The following SYN2 variants were observed in gnomAD, a reference collection of about 807,000 sequenced individuals.
The protein encoded by SYN2 is synapsin II.
A neutral mutation model predicts 50.9 loss-of-function variants in SYN2; 19 were observed. The observed-to-expected ratio is 0.37, with a 90% CI of 0.26 to 0.55. The LOEUF (loss-of-function observed/expected upper bound fraction) is 0.55. Ranked by LOEUF, SYN2 falls within the 20% of genes least tolerant of loss-of-function variation. SYN2 has a pLI of 0.81. For missense variants in SYN2, 587 were observed against 576.4 expected (o/e 1.02, Z -0.19); for synonymous variants, 255 against 224.9 (o/e 1.13, Z -1.20).
At chr3:12,131,514 C>G (rs1211462318) in intron 1 of SYN2, among the ~76,000 whole-genome samples, 1 of 152,162 alleles carries the variant, frequency 6.6e-6, no homozygotes, top group Admixed American at 6.5e-5. Context: ...TCAAATCAGC[C>G]TGATTTAATT....
At chr3:12,088,339 G>A (rs756465452) in intron 1 of SYN2, among the ~76,000 whole-genome samples, 8 of 151,334 alleles carry the variant, frequency 5.3e-5, no homozygotes, top group Admixed American at 2.0e-4. Flanking sequence ...TCAGGGAAAC[G>A]CAAATAAAAA....
chr3:12,057,218 GGAGGCA>G (rs944667962), intron 1 of SYN2, among the ~76,000 whole-genome samples: 8 of 151,964 alleles, frequency 5.3e-5, no homozygotes, highest in African/African-American at 1.9e-4. Context: ...CTTGAACCCA[GGAGGCA>G]GAGGTTTCAG....
intron 1 of SYN2, among the ~76,000 whole-genome samples, chr3:12,118,293 G>C (rs1403442547): frequency 6.6e-6 from 1 of 152,210 alleles, no homozygotes; most frequent in Non-Finnish European, 1.5e-5. Flanking sequence ...GCTTGGTGCA[G>C]TGACTCATGC....
At chr3:12,044,198 CA>C (rs1694684504) in intron 1 of SYN2, among the ~76,000 whole-genome samples, 1 of 149,898 alleles carries the variant, frequency 6.7e-6, no homozygotes, top group African/African-American at 2.4e-5. Flanking sequence ...CACACACACA[CA>C]CACACACACA....
intron 7 of SYN2, among the ~76,000 whole-genome samples, chr3:12,163,241 CAAAA>C (rs11404808): frequency 1.6e-5 from 2 of 122,590 alleles, no homozygotes; most frequent in Non-Finnish European, 3.2e-5. Flanking sequence ...GACTCTGTCT[CAAAA>C]AAAAAAAAAA....
intron 5 of SYN2, chr3:12,158,819 C>G (rs143705137): frequency 6.3e-7 from 1 of 1,595,254 alleles, no homozygotes; most frequent in East Asian, 2.2e-5. Context: ...CAGCTTGGCG[C>G]GGGCCGAGGG....
intron 1 of SYN2, among the ~76,000 whole-genome samples, chr3:12,039,573 T>TG (rs923815747): frequency 1.6e-5 from 2 of 123,706 alleles, no homozygotes; most frequent in African/African-American, 5.7e-5. Flanking sequence ...TTTTTTTTTT[T>TG]GTCATTCAGC....
chr3:12,129,004 TGGATA>T (rs1436238587), intron 1 of SYN2, among the ~76,000 whole-genome samples: 1 of 151,850 alleles, frequency 6.6e-6, no homozygotes, highest in East Asian at 1.9e-4. Flanking sequence ...GTTGGGCAGA[TGGATA>T]ATAAGTAGTT....
At chr3:12,171,147 G>C (rs534510043) in intron 10 of SYN2, among the ~76,000 whole-genome samples, 1 of 152,258 alleles carries the variant, frequency 6.6e-6, no homozygotes, top group East Asian at 1.9e-4. Flanking sequence ...GCTCTTATGA[G>C]TGTTTTAGTT....
intron 1 of SYN2, among the ~76,000 whole-genome samples, chr3:12,125,514 C>G (rs1052496117): frequency 5.3e-5 from 8 of 152,168 alleles, no homozygotes; most frequent in Non-Finnish European, 2.9e-5. Flanking sequence ...CCAATACTTG[C>G]TGCTTTATTC....
At chr3:12,106,822 G>A (rs1417239231) in intron 1 of SYN2, among the ~76,000 whole-genome samples, 1 of 151,994 alleles carries the variant, frequency 6.6e-6, no homozygotes, top group African/African-American at 2.4e-5. Context: ...CAAATTTTTT[G>A]TAGTTTTAAT....
chr3:12,103,310 TA>T (rs1265432090), intron 1 of SYN2, among the ~76,000 whole-genome samples: 2 of 152,128 alleles, frequency 1.3e-5, no homozygotes, highest in Non-Finnish European at 2.9e-5. Flanking sequence ...AAGGAAAATC[TA>T]AGATGTAAAA....
intron 1 of SYN2, among the ~76,000 whole-genome samples, chr3:12,105,635 A>G (rs1696169290): frequency 6.6e-6 from 1 of 151,778 alleles, no homozygotes; most frequent in African/African-American, 2.4e-5. Flanking sequence ...TAATATTCTC[A>G]AAGACCCTTA....
chr3:12,055,911 T>C (rs1004809049), intron 1 of SYN2, among the ~76,000 whole-genome samples: 1 of 152,220 alleles, frequency 6.6e-6, no homozygotes, highest in Non-Finnish European at 1.5e-5. Flanking sequence ...AGGCAGACTT[T>C]ATGAGCTCCT....
intron 1 of SYN2, among the ~76,000 whole-genome samples, chr3:12,010,879 GA>G (rs1693899453): frequency 6.6e-6 from 1 of 152,172 alleles, no homozygotes; most frequent in Non-Finnish European, 1.5e-5. Context: ...ATGTTATCGT[GA>G]AAAAAGAGGC....
chr3:12,108,108 G>A (rs1696237057), intron 1 of SYN2, among the ~76,000 whole-genome samples: 1 of 152,156 alleles, frequency 6.6e-6, no homozygotes, highest in Admixed American at 6.5e-5. Context: ...TACTCAGGAG[G>A]CTGAGGTGGG....
chr3:12,070,009 G>C (rs1184567449), intron 1 of SYN2, among the ~76,000 whole-genome samples: 1 of 151,844 alleles, frequency 6.6e-6, no homozygotes, highest in Non-Finnish European at 1.5e-5. Flanking sequence ...GTGTTGCCCA[G>C]GTTGGTCTCG....
At chr3:12,130,617 A>C (rs143645338) in intron 1 of SYN2, among the ~76,000 whole-genome samples, 1 of 152,318 alleles carries the variant, frequency 6.6e-6, no homozygotes, top group East Asian at 1.9e-4. Context: ...ACACATTTAG[A>C]AATAATGTTT....
intron 1 of SYN2, among the ~76,000 whole-genome samples, chr3:12,099,690 C>T (rs556864370): frequency 3.3e-5 from 5 of 151,992 alleles, no homozygotes; most frequent in South Asian, 2.1e-4. Context: ...GTAGGCTGGG[C>T]GCAATGGCTC....
Sources: gnomAD v4.1 joint callset for allele counts (sites outside exome capture counted in the v4.1 genomes callset) on GRCh38, gnomAD v4.1.1 for gene constraint, MANE v1.5 for transcripts, NCBI Gene and HGNC (gene_info 2026-07-23, HGNC 2026-07-21) for gene names.